Variants in LAMA2 observed in about 807,000 individuals in gnomAD.
LAMA2 encodes the protein laminin subunit alpha 2.
LAMA2 carries 269 observed loss-of-function variants against 364.8 expected under a neutral mutation model. That is an observed-to-expected ratio of 0.74 (90% CI 0.67 to 0.82). The LOEUF is 0.82. LAMA2 is among the 40% of genes least tolerant of loss of function. The probability of loss-of-function intolerance (pLI) is 0.00; values close to 1 mark genes in which losing one functional copy is unlikely to be tolerated. For synonymous variants in LAMA2, 1,379 were observed against 1,370.6 expected (o/e 1.01, Z -0.14); for missense variants, 3,807 against 3,873.2 (o/e 0.98, Z 0.45).
At chr6:129,411,350 G>A (rs1780529548) in intron 40 of LAMA2, among the ~76,000 whole-genome samples, 1 of 152,124 alleles carries the variant, frequency 6.6e-6, no homozygotes, top group African/African-American at 2.4e-5. Flanking sequence ...ATAAAGTGAG[G>A]GGAGTTCAGA....
At chr6:129,139,102 T>C (rs1168078239) in intron 4 of LAMA2, among the ~76,000 whole-genome samples, 1 of 152,076 alleles carries the variant, frequency 6.6e-6, no homozygotes, top group Non-Finnish European at 1.5e-5. Context: ...GCAGTTTCAG[T>C]GGAATGGAGG....
chr6:129,284,801 A>G (rs1788983236), intron 18 of LAMA2, among the ~76,000 whole-genome samples: 1 of 151,976 alleles, frequency 6.6e-6, no homozygotes, highest in South Asian at 2.1e-4. Flanking sequence ...TTCCTAAATT[A>G]TCAATAGCAG....
In LAMA2 at chr6:128,946,361, G is replaced by A. The variant is rs148030566; in HGVS notation, c.112+63004G>A. Among the ~76,000 whole-genome samples the A allele has an allele frequency of 4.2e-3, 643 of 152,180 alleles. 9 individuals are homozygous for A. Among genetic ancestry groups the A allele is most frequent in the African/African-American group, 0.015 (612 of 41,512 alleles). ...GCCCACAGTTGGACAAAATTACCTG[G>A]CAACACAGTACACTGTGGAATATTG... On this transcript the variant is annotated intron_variant, in intron 1 of 64. Coordinates refer to ENST00000421865, the MANE Select transcript of LAMA2 (RefSeq NM_000426.4).
intron 1 of LAMA2, among the ~76,000 whole-genome samples, chr6:128,985,603 T>TA (rs1783176245): frequency 1.3e-5 from 2 of 152,018 alleles, no homozygotes; most frequent in Non-Finnish European, 2.9e-5. Flanking sequence ...TTTGAACATA[T>TA]AAAAAATGGA....
chr6:129,396,534 C>T (rs1779627722), intron 37 of LAMA2, among the ~76,000 whole-genome samples: 1 of 152,004 alleles, frequency 6.6e-6, no homozygotes, highest in Admixed American at 6.5e-5. Flanking sequence ...AATTTGGAGC[C>T]AGATCATAGA....
chr6:129,010,876 C>A (rs1209364151), intron 1 of LAMA2, among the ~76,000 whole-genome samples: 1 of 152,152 alleles, frequency 6.6e-6, no homozygotes, highest in Non-Finnish European at 1.5e-5. Flanking sequence ...AATATGTTTA[C>A]TTCCTATACC....
intron 4 of LAMA2, among the ~76,000 whole-genome samples, chr6:129,100,768 G>T (rs1206400233): frequency 6.6e-6 from 1 of 152,200 alleles, no homozygotes; most frequent in Non-Finnish European, 1.5e-5. Context: ...GGAATTAGAA[G>T]ACCTGGATTC....
chr6:129,272,006 A>G (rs1170621072), intron 17 of LAMA2, among the ~76,000 whole-genome samples: 1 of 152,130 alleles, frequency 6.6e-6, no homozygotes, highest in African/African-American at 2.4e-5. Context: ...ATCCACATGA[A>G]ATGCTTATCC....
intron 5 of LAMA2, among the ~76,000 whole-genome samples, chr6:129,145,930 T>C (rs1778407122): frequency 6.6e-6 from 1 of 151,864 alleles, no homozygotes; most frequent in South Asian, 2.1e-4. Context: ...AGTGATGAGG[T>C]TAAATGGAAA....
chr6:129,505,181 ACTC>A lies in LAMA2; in HGVS notation c.8548-16_8548-14del, dbSNP rs775282417. ...AATTTGTTCAGGATTGGCATTAATGACTCCTTTCTTTTTTGTAGATTAAGATAA... is the reference window on the plus strand; with the variant it reads ...AATTTGTTCAGGATTGGCATTAATGACTTTCTTTTTTGTAGATTAAGATAA... On this transcript the variant is annotated splice_polypyrimidine_tract_variant and intron_variant, in intron 60 of 64. Coordinates refer to ENST00000421865, the MANE Select transcript of LAMA2 (RefSeq NM_000426.4). 1.9e-6 allele frequency: 3 copies of A among 1,609,922 alleles called. No homozygotes were observed. The African/African-American group carries it at 4.0e-5, about 21-fold the overall frequency.
chr6:129,030,035 TTA>T (rs1375825238), intron 1 of LAMA2, among the ~76,000 whole-genome samples: 1 of 152,082 alleles, frequency 6.6e-6, no homozygotes, highest in Non-Finnish European at 1.5e-5. Context: ...TTATCTTTAA[TTA>T]CTTTGTCTTC....
At chr6:129,337,530 T>G (rs1776021548) in intron 29 of LAMA2, among the ~76,000 whole-genome samples, 1 of 152,092 alleles carries the variant, frequency 6.6e-6, no homozygotes, top group Non-Finnish European at 1.5e-5. Context: ...AGGAAAAACT[T>G]CACAGCTTAT....
At chr6:129,262,263 C>T (rs1747735422) in intron 15 of LAMA2, among the ~76,000 whole-genome samples, 1 of 151,954 alleles carries the variant, frequency 6.6e-6, no homozygotes, top group Non-Finnish European at 1.5e-5. Flanking sequence ...GTACATACAA[C>T]ATAATCCCTG....
intron 8 of LAMA2, among the ~76,000 whole-genome samples, chr6:129,162,801 T>C (rs1244506681): frequency 6.6e-6 from 1 of 152,110 alleles, no homozygotes; most frequent in African/African-American, 2.4e-5. Context: ...ATGGCCTATA[T>C]TTGTATGATC....
At chr6:129,080,787 C>G (rs1344759078) in intron 3 of LAMA2, among the ~76,000 whole-genome samples, 2 of 152,126 alleles carry the variant, frequency 1.3e-5, no homozygotes, top group Non-Finnish European at 2.9e-5. Context: ...GCTTTTACAC[C>G]GTTGGCGGGA....
At chr6:129,329,248 C>T (rs567396888) in intron 29 of LAMA2, among the ~76,000 whole-genome samples, 3 of 152,270 alleles carry the variant, frequency 2.0e-5, no homozygotes, top group East Asian at 1.9e-4. Context: ...GGCAAAATAC[C>T]CCGCAGAATC....
At chr6:129,232,091 A>G in intron 12 of LAMA2, among the ~76,000 whole-genome samples, 1 of 152,124 alleles carries the variant, frequency 6.6e-6, no homozygotes, top group East Asian at 1.9e-4. Flanking sequence ...CCTGAAAAAT[A>G]TAGCTGTCTA....
At chr6:128,958,516 C>T (rs1157792346) in intron 1 of LAMA2, among the ~76,000 whole-genome samples, 1 of 152,096 alleles carries the variant, frequency 6.6e-6, no homozygotes, top group Non-Finnish European at 1.5e-5. Context: ...GATTTGTGAT[C>T]ATGAATGATT....
At position 129,443,017 on chromosome 6, in the gene LAMA2, A is replaced by T. The variant is rs771726190; in HGVS notation, c.6269-46A>T. On this transcript the variant is annotated intron_variant, in intron 43 of 64. Coordinates refer to ENST00000421865, the MANE Select transcript of LAMA2 (RefSeq NM_000426.4). ...ATTTATAGAAAATACTTCCTCATGAATTTATAATTTTTTTTTGTTTTGCTT... is the reference window on the plus strand; with the variant it reads ...ATTTATAGAAAATACTTCCTCATGATTTTATAATTTTTTTTTGTTTTGCTT... 1.9e-5 allele frequency: 28 copies of T among 1,473,574 alleles called. No individual in the cohort carries two copies. In the African/African-American group the frequency reaches 3.9e-4, roughly 21 times the overall value. The allele number at this position is 1,473,574 out of a possible 1,614,324, so 91.3% of individuals were successfully genotyped here.
Sources: allele counts gnomAD v4.1 joint callset (sites outside exome capture counted in the v4.1 genomes callset), GRCh38; gene constraint gnomAD v4.1.1; transcripts MANE v1.5; gene names NCBI Gene and HGNC (gene_info 2026-07-23, HGNC 2026-07-21).